Variants in TRABD2B observed in about 807,000 individuals in gnomAD.
TRABD2B encodes the protein metalloprotease TIKI2.
TRABD2B carries 14 observed loss-of-function variants against 40.1 expected under a neutral mutation model. The observed-to-expected ratio is 0.35, with a 90% CI of 0.23 to 0.55. The LOEUF (loss-of-function observed/expected upper bound fraction) is 0.55. Among genes scored for constraint, TRABD2B ranks in the 20% least tolerant of loss-of-function variants. TRABD2B has a pLI of 0.90. For synonymous variants in TRABD2B, 263 were observed against 277.0 expected, an observed-to-expected ratio of 0.95 and a Z score of 0.50; for missense variants, 541 against 648.6, an observed-to-expected ratio of 0.83 and a Z score of 1.80.
At chr1:47,959,391 A>C (rs1224067632) in intron 2 of TRABD2B, among the ~76,000 whole-genome samples, 1 of 152,186 alleles carries the variant, frequency 6.6e-6, no homozygotes, top group Non-Finnish European at 1.5e-5. Flanking sequence ...ATAGAGACAC[A>C]AAAAGCCCTT....
At chr1:47,865,507 A>G (rs1427018658) in intron 2 of TRABD2B, among the ~76,000 whole-genome samples, 1 of 152,152 alleles carries the variant, frequency 6.6e-6, no homozygotes, top group Non-Finnish European at 1.5e-5. Flanking sequence ...GAATTTTGTT[A>G]GACATCTGTG....
chr1:47,978,233 C>T (rs2148437163), intron 2 of TRABD2B, among the ~76,000 whole-genome samples: 1 of 152,280 alleles, frequency 6.6e-6, no homozygotes, highest in South Asian at 2.1e-4. Flanking sequence ...AGAGACATGG[C>T]ACCATCCGTG....
At chr1:47,955,207 T>C (rs1158781976) in intron 2 of TRABD2B, among the ~76,000 whole-genome samples, 1 of 152,194 alleles carries the variant, frequency 6.6e-6, no homozygotes, top group Admixed American at 6.5e-5. Context: ...CAGTTTCTAC[T>C]GCCTCCACCT....
chr1:47,855,096 T>G (rs1314667271), intron 2 of TRABD2B, among the ~76,000 whole-genome samples: 1 of 152,220 alleles, frequency 6.6e-6, no homozygotes, highest in Non-Finnish European at 1.5e-5. Flanking sequence ...CATGTGGGTT[T>G]TTGAATAAGA....
At chr1:47,977,018 G>A (rs1222002158) in intron 2 of TRABD2B, among the ~76,000 whole-genome samples, 4 of 151,066 alleles carry the variant, frequency 2.6e-5, no homozygotes, top group African/African-American at 9.7e-5. Flanking sequence ...ACTCAGTTAT[G>A]TATATGTGTG....
intron 2 of TRABD2B, among the ~76,000 whole-genome samples, chr1:47,979,352 C>A (rs1473434134): frequency 1.3e-5 from 2 of 152,214 alleles, no homozygotes; most frequent in African/African-American, 4.8e-5. Flanking sequence ...CAAAGAACTT[C>A]AGTTTAATGA....
intron 2 of TRABD2B, among the ~76,000 whole-genome samples, chr1:47,806,252 C>G (rs1644891159): frequency 6.6e-6 from 1 of 152,206 alleles, no homozygotes; most frequent in Admixed American, 6.5e-5. Context: ...ATTAATTGGA[C>G]TTGGCTTCCA....
intron 2 of TRABD2B, among the ~76,000 whole-genome samples, chr1:47,971,697 T>C (rs766791451): frequency 6.6e-6 from 1 of 152,092 alleles, no homozygotes; most frequent in Non-Finnish European, 1.5e-5. Context: ...ACCTCCTCAA[T>C]TGCTTTTCTT....
chr1:47,821,668 G>A (rs12065262), intron 2 of TRABD2B, among the ~76,000 whole-genome samples: 1 of 151,714 alleles, frequency 6.6e-6, no homozygotes, highest in African/African-American at 2.4e-5. Flanking sequence ...GACCCTGCCT[G>A]CCTGCCTCAG....
chr1:47,956,037 G>C, intron 2 of TRABD2B, among the ~76,000 whole-genome samples: 1 of 152,202 alleles, frequency 6.6e-6, no homozygotes, highest in South Asian at 2.1e-4. Flanking sequence ...GATGCTATTT[G>C]CTAAACTTGC....
intron 2 of TRABD2B, among the ~76,000 whole-genome samples, chr1:47,872,180 G>T (rs1644151661): frequency 6.6e-6 from 1 of 152,132 alleles, no homozygotes; most frequent in African/African-American, 2.4e-5. Flanking sequence ...ATGTCTGTGG[G>T]CTCAGGCCTG....
chr1:47,929,553 C>T (rs940354731), intron 2 of TRABD2B, among the ~76,000 whole-genome samples: 1 of 152,214 alleles, frequency 6.6e-6, no homozygotes, highest in African/African-American at 2.4e-5. Context: ...CTCCCTCATC[C>T]TGTGCTCTCA....
intron 2 of TRABD2B, among the ~76,000 whole-genome samples, chr1:47,861,392 C>T (rs1210118458): frequency 6.6e-6 from 1 of 152,046 alleles, no homozygotes; most frequent in East Asian, 1.9e-4. Flanking sequence ...CAATGATTAT[C>T]CTTCCTAAAA....
intron 2 of TRABD2B, among the ~76,000 whole-genome samples, chr1:47,967,220 C>T (rs1314354537): frequency 2.0e-5 from 3 of 152,006 alleles, no homozygotes; most frequent in Admixed American, 2.0e-4. Context: ...ATTCACTAAG[C>T]AGGGCCATAA....
Position 47,997,088 on chromosome 1 carries a change from C to T in TRABD2B, c.-299G>A. 1 of 983,538 alleles carries T rather than the reference C, an allele frequency of 1.0e-6. No homozygotes were observed. 60.9% of individuals were successfully genotyped at this position (983,538 alleles called of 1,614,324 possible). ...GTTGGGGTCCGGGGGCGCGCGGGGT[C>T]CCGGAGCTGCGTCGCGGTCCAGGGG... On this transcript the variant is annotated 5_prime_UTR_variant, in exon 1 of 7. Coordinates refer to ENST00000606738, the MANE Select transcript of TRABD2B (RefSeq NM_001194986.2).
intron 4 of TRABD2B, among the ~76,000 whole-genome samples, chr1:47,786,164 T>C (rs1356595365): frequency 6.6e-6 from 1 of 152,218 alleles, no homozygotes; most frequent in Non-Finnish European, 1.5e-5. Flanking sequence ...GGCCGCAGGC[T>C]GAGAGAAGTG....
intron 6 of TRABD2B, among the ~76,000 whole-genome samples, chr1:47,768,466 C>T (rs1438327034): frequency 6.6e-6 from 1 of 152,216 alleles, no homozygotes; most frequent in African/African-American, 2.4e-5. Flanking sequence ...ACATACCACC[C>T]TCTCCATCAC....
At chr1:47,879,029 C>T (rs1002415431) in intron 2 of TRABD2B, among the ~76,000 whole-genome samples, 3 of 150,858 alleles carry the variant, frequency 2.0e-5, no homozygotes, top group Non-Finnish European at 2.9e-5. Context: ...CACCTGAGCC[C>T]GGGAGGTTGA....
At position 47,765,039 on chromosome 1, in the gene TRABD2B, C is replaced by T. The variant is rs898562513; in HGVS notation, c.*863G>A. 3.3e-5 allele frequency: 5 copies of T among 152,286 alleles called. No individual in the cohort carries two copies. The highest frequency in any genetic ancestry group is 4.8e-5 in the African/African-American group (2 of 41,452). 9.4% of individuals were successfully genotyped at this position (152,286 alleles called of 1,614,324 possible). Reference sequence around the variant, plus strand: ...CCCTCCTGTGCCCACTCCAGTCCCTCGGCCCAGCTCAATCCATTTAGCCAG... The same window carrying T: ...CCCTCCTGTGCCCACTCCAGTCCCTTGGCCCAGCTCAATCCATTTAGCCAG... On this transcript the variant is annotated 3_prime_UTR_variant, in exon 7 of 7. Coordinates refer to ENST00000606738, the MANE Select transcript of TRABD2B (RefSeq NM_001194986.2).
Sources: gnomAD v4.1 joint callset for allele counts (sites outside exome capture counted in the v4.1 genomes callset) on GRCh38, gnomAD v4.1.1 for gene constraint, MANE v1.5 for transcripts, NCBI Gene and HGNC (gene_info 2026-07-23, HGNC 2026-07-21) for gene names.